The following LAMC1 variants were observed in gnomAD, a reference collection of about 807,000 sequenced individuals.
LAMC1 encodes laminin subunit gamma-1.
In LAMC1, 38 loss-of-function variants were observed where a neutral mutation model predicts 173.6. The ratio of observed to expected loss-of-function variants is 0.22; its 90% CI spans 0.17 to 0.29. The LOEUF is 0.29. Ranked by LOEUF, LAMC1 falls within the 10% of genes least tolerant of loss-of-function variation. The pLI, the probability that LAMC1 is intolerant of heterozygous loss-of-function variation, is 1.00. For missense variants in LAMC1, 1,824 were observed against 2,051.8 expected, an observed-to-expected ratio of 0.89 and a Z score of 2.14; for synonymous variants, 746 against 749.1, an observed-to-expected ratio of 1.00 and a Z score of 0.07.
At chr1:183,131,202 T>G in intron 19 of LAMC1, 97 bp from the exon 20 acceptor site, 1 of 779,810 alleles carries the variant, frequency 1.3e-6, no homozygotes, top group South Asian at 1.6e-5. Flanking sequence ...GTAGAGGCAT[T>G]CTTTTTGCCC....
intron 1 of LAMC1, among the ~76,000 whole-genome samples, chr1:183,037,271 A>G (rs916887155): frequency 2.6e-5 from 4 of 152,232 alleles, no homozygotes; most frequent in Admixed American, 1.3e-4. Flanking sequence ...GGCTTCATTT[A>G]TACAGGGAAT....
Position 183,134,694 on chromosome 1 carries a change from A to C in LAMC1, c.3884A>C (p.Asn1295Thr), listed in dbSNP as rs200525631. The C allele has an allele frequency of 9.4e-5, 152 of 1,612,970 alleles. No homozygotes were observed. Among genetic ancestry groups the C allele is most frequent in the Non-Finnish European group, 1.2e-4 (139 of 1,179,524 alleles). ...AATAACATAAAGATGGAAGCTGAGA[A>C]TCTGGAACAACTGATTGACCAGAAA... ...EANNIKMEAE[N>T]LEQLIDQKLK... The change falls in exon 23 of 28, where the codon AAT (asparagine) becomes ACT (threonine). Residue 1295 changes from asparagine to threonine, a missense_variant. By Grantham distance (65) the Asn-to-Thr change is moderately conservative. Coordinates refer to ENST00000258341, the MANE Select transcript of LAMC1 (RefSeq NM_002293.4).
chr1:183,106,424 T>G (rs944846268), intron 2 of LAMC1, among the ~76,000 whole-genome samples: 3 of 152,350 alleles, frequency 2.0e-5, no homozygotes, highest in South Asian at 2.1e-4. Flanking sequence ...CTAATTATAC[T>G]TGAAGGCTTT....
In LAMC1 at chr1:183,023,497, A is replaced by AGGCGGCGCGCGGG. The variant is rs1653585932; in HGVS notation, c.-216_-204dup. 4.5e-6 allele frequency: 1 copy of AGGCGGCGCGCGGG among 224,514 alleles called. No individual in the cohort carries two copies. The allele number at this position is 224,514 out of a possible 1,614,324, so 13.9% of individuals were successfully genotyped here. On this transcript the variant is annotated 5_prime_UTR_variant, in exon 1 of 28. Coordinates refer to ENST00000258341, the MANE Select transcript of LAMC1 (RefSeq NM_002293.4). ...CCCGGGGTAGGTGAGGGAAGCGCGG[A>AGGCGGCGCGCGGG]GGCGGCGCGCGGGGGCAGTGGTCGG...
rs68083893 is a variant in LAMC1 at position 183,077,776 on chromosome 1, G to GTATATATATATATATATA, written c.419-25549_419-25532dup. ...TGAATAGTATTTTTATGGCCATTGT[G>GTATATATATATATATATA]TATATATATATATATATATACAGTA... On this transcript the variant is annotated intron_variant, in intron 1 of 27. Coordinates refer to ENST00000258341, the MANE Select transcript of LAMC1 (RefSeq NM_002293.4). 2.4e-3 allele frequency among the ~76,000 whole-genome samples: 275 copies of GTATATATATATATATATA among 116,508 alleles called. 3 individuals are homozygous for GTATATATATATATATATA. Among genetic ancestry groups the GTATATATATATATATATA allele is most frequent in the African/African-American group, 7.6e-3 (263 of 34,486 alleles). The allele number at this position is 116,508 out of a possible 152,430, so 76.4% of individuals were successfully genotyped here. A position where few individuals can be genotyped will look rare whatever the true frequency, so the allele number is the denominator to read the frequency against.
chr1:183,091,541 GGCACTTCGTACTTAA>G (rs1425244834), intron 1 of LAMC1, among the ~76,000 whole-genome samples: 1 of 151,728 alleles, frequency 6.6e-6, no homozygotes. Context: ...ATGAACATCT[GGCACTTCGTACTTAA>G]GCCCCCCTTT....
intron 11 of LAMC1, 103 bp from the exon 12 acceptor site, chr1:183,121,620 T>C: frequency 1.1e-6 from 1 of 951,856 alleles, no homozygotes; most frequent in Non-Finnish European, 1.6e-6. Context: ...ATGGCTAATT[T>C]TCTCTGGAAT....
At chr1:183,132,855 G>A (rs1656834728) in intron 21 of LAMC1, among the ~76,000 whole-genome samples, 1 of 152,048 alleles carries the variant, frequency 6.6e-6, no homozygotes, top group Admixed American at 6.6e-5. Context: ...ATCTTTAAAG[G>A]GTGTCTGAAA....
intron 18 of LAMC1, among the ~76,000 whole-genome samples, chr1:183,130,094 A>G (rs534493815): frequency 1.3e-5 from 2 of 152,282 alleles, no homozygotes; most frequent in Admixed American, 1.3e-4. Flanking sequence ...GACCAGCGAT[A>G]TAGTGGTGAG....
chr1:183,108,437 T>C (rs1656050306), intron 3 of LAMC1, 31 bp downstream of exon 3: 1 of 1,597,112 alleles, frequency 6.3e-7, no homozygotes, highest in African/African-American at 1.3e-5. Flanking sequence ...GTCTTGAAAG[T>C]GTTTGGAGCT....
At chr1:183,064,131 T>C (rs1361269488) in intron 1 of LAMC1, among the ~76,000 whole-genome samples, 2 of 152,224 alleles carry the variant, frequency 1.3e-5, no homozygotes. Flanking sequence ...GTGTTTAGGC[T>C]TTCTCTGGCA....
chr1:183,053,149 T>G (rs976344188), intron 1 of LAMC1, among the ~76,000 whole-genome samples: 1 of 152,102 alleles, frequency 6.6e-6, no homozygotes, highest in Non-Finnish European at 1.5e-5. Context: ...CTTGTTAGGG[T>G]TTTCCAGTGC....
At chr1:183,132,146 T>G (rs1656812669) in intron 20 of LAMC1, among the ~76,000 whole-genome samples, 1 of 152,112 alleles carries the variant, frequency 6.6e-6, no homozygotes, top group Non-Finnish European at 1.5e-5. Context: ...AAAGATGCAT[T>G]AGCTGGGCAT....
intron 1 of LAMC1, among the ~76,000 whole-genome samples, chr1:183,076,075 C>T (rs372551725): frequency 9.8e-5 from 15 of 152,320 alleles, no homozygotes; most frequent in African/African-American, 3.6e-4. Flanking sequence ...CTGTCATAAG[C>T]AATGGCTCAT....
rs142408385 is a variant in LAMC1, at chr1:183,035,328, A to G, written c.418+11194A>G. Among the ~76,000 whole-genome samples the G allele has an allele frequency of 3.6e-3, 549 of 152,346 alleles. 5 individuals carry two copies. The highest frequency in any genetic ancestry group is 0.012 in the African/African-American group (517 of 41,584). ...CTCAGCCTCCTGAGTAGCTAGGACTACAGGCATATGCCACCATGCCTAGCT... is the reference window on the plus strand; with the variant it reads ...CTCAGCCTCCTGAGTAGCTAGGACTGCAGGCATATGCCACCATGCCTAGCT... On this transcript the variant is annotated intron_variant, in intron 1 of 27. Transcript: ENST00000258341.
chr1:183,043,733 C>T (rs531322129), intron 1 of LAMC1, among the ~76,000 whole-genome samples: 43 of 152,186 alleles, frequency 2.8e-4, no homozygotes, highest in Admixed American at 5.9e-4. Context: ...TAGGGACATC[C>T]GTTCAATTTT....
chr1:183,047,066 A>G lies in LAMC1; in HGVS notation c.418+22932A>G, dbSNP rs185932277. Among the ~76,000 whole-genome samples, 18 of 152,282 alleles carry G rather than the reference A, an allele frequency of 1.2e-4. No homozygotes were observed. In the East Asian group the frequency reaches 3.3e-3, roughly 28 times the overall value. ...CCATTTTAAGAAATGTTTTGGGTACAGGTTTCAGTTAATTAAAATAGCTCT... is the reference window on the plus strand; with the variant it reads ...CCATTTTAAGAAATGTTTTGGGTACGGGTTTCAGTTAATTAAAATAGCTCT... On this transcript the variant is annotated intron_variant, in intron 1 of 27. Coordinates refer to ENST00000258341, the MANE Select transcript of LAMC1 (RefSeq NM_002293.4).
At chr1:183,040,793 G>A (rs1654109172) in intron 1 of LAMC1, among the ~76,000 whole-genome samples, 1 of 151,310 alleles carries the variant, frequency 6.6e-6, no homozygotes, top group African/African-American at 2.5e-5. Flanking sequence ...GAGCACTGGA[G>A]GAATATGAGA....
intron 1 of LAMC1, among the ~76,000 whole-genome samples, chr1:183,053,329 A>G (rs1455087817): frequency 6.6e-6 from 1 of 152,182 alleles, no homozygotes; most frequent in Non-Finnish European, 1.5e-5. Context: ...AAGCAAGTCT[A>G]ACCATTATTT....
Sources: allele counts gnomAD v4.1 joint callset (sites outside exome capture counted in the v4.1 genomes callset), GRCh38; gene constraint gnomAD v4.1.1; transcripts MANE v1.5; gene names NCBI Gene and HGNC (gene_info 2026-07-23, HGNC 2026-07-21).